Variants in XYLT1 observed in about 807,000 individuals in gnomAD.
XYLT1 encodes xylosyltransferase 1.
Under a neutral mutation model 91.3 loss-of-function variants are expected in XYLT1, and 36 were observed. The observed-to-expected ratio is 0.39, with a 90% confidence interval of 0.30 to 0.52. The LOEUF (loss-of-function observed/expected upper bound fraction) is 0.52, where lower values mean the gene tolerates loss of function less well. Among genes scored for constraint, XYLT1 ranks in the 20% least tolerant of loss-of-function variants. The pLI, the probability that XYLT1 is intolerant of heterozygous loss-of-function variation, is 0.68. For synonymous variants in XYLT1, 588 were observed against 532.0 expected (o/e 1.11, Z -1.45); for missense variants, 1,242 against 1,284.5 (o/e 0.97, Z 0.51).
At chr16:17,392,948 A>T (rs2141893875) in intron 1 of XYLT1, among the ~76,000 whole-genome samples, 1 of 152,316 alleles carries the variant, frequency 6.6e-6, no homozygotes, top group South Asian at 2.1e-4. Context: ...TTCAAATGCA[A>T]GATGTGGGTT....
intron 1 of XYLT1, among the ~76,000 whole-genome samples, chr16:17,423,840 C>T (rs909362740): frequency 2.0e-5 from 3 of 151,982 alleles, no homozygotes; most frequent in Admixed American, 6.6e-5. Flanking sequence ...GGTCTCGATC[C>T]CTTGACCTGG....
intron 1 of XYLT1, among the ~76,000 whole-genome samples, chr16:17,456,382 G>GGCTGGAGT (rs2141955306): frequency 7.0e-6 from 1 of 142,720 alleles, no homozygotes; most frequent in South Asian, 2.2e-4. Context: ...CGGTCACCCA[G>GGCTGGAGT]GCTGGAGTGC....
At chr16:17,330,239 A>G (rs554524447) in intron 2 of XYLT1, among the ~76,000 whole-genome samples, 72 of 152,336 alleles carry the variant, frequency 4.7e-4, no homozygotes, top group Middle Eastern at 3.4e-3. Context: ...TCGTGCGTAT[A>G]AACAAATAAG....
intron 10 of XYLT1, among the ~76,000 whole-genome samples, chr16:17,119,645 G>A (rs1179536424): frequency 6.6e-6 from 1 of 152,192 alleles, no homozygotes; most frequent in African/African-American, 2.4e-5. Context: ...CCAGGCAGAC[G>A]TGTCCATTCA....
rs58692213 is a variant in XYLT1, at chr16:17,240,187, G to T, written c.913+18801C>A. 7.0e-3 allele frequency among the ~76,000 whole-genome samples: 1,065 copies of T among 152,338 alleles called. 8 individuals are homozygous for T. Among genetic ancestry groups the T allele is most frequent in the African/African-American group, 0.024 (983 of 41,578 alleles). On this transcript the variant is annotated intron_variant, in intron 3 of 11. Coordinates refer to ENST00000261381, the MANE Select transcript of XYLT1 (RefSeq NM_022166.4). ...TGCTGGGAGAGGCATGAGAACAGGG[G>T]TATGGACAGGAAGACTAGCATGTGG... is the stretch of plus-strand genomic sequence containing the variant.
intron 5 of XYLT1, among the ~76,000 whole-genome samples, chr16:17,160,600 G>A (rs994145106): frequency 2.0e-5 from 3 of 152,228 alleles, no homozygotes; most frequent in Admixed American, 2.0e-4. Context: ...CCGTGTGTCT[G>A]CAGGGAGTTG....
chr16:17,178,266 G>C (rs2031987940), intron 5 of XYLT1, among the ~76,000 whole-genome samples: 2 of 152,230 alleles, frequency 1.3e-5, no homozygotes, highest in Middle Eastern at 3.4e-3. Flanking sequence ...AAGTAGGTTA[G>C]GGGAACATAA....
At chr16:17,230,419 C>G (rs931320552) in intron 3 of XYLT1, among the ~76,000 whole-genome samples, 23 of 152,154 alleles carry the variant, frequency 1.5e-4, no homozygotes, top group African/African-American at 5.3e-4. Flanking sequence ...TCCGATGTCC[C>G]CATTTTAACA....
chr16:17,468,150 A>G (rs2036924723), intron 1 of XYLT1, among the ~76,000 whole-genome samples: 1 of 152,120 alleles, frequency 6.6e-6, no homozygotes. Context: ...CTGGAGCTCC[A>G]TGGAAGGGCA....
At chr16:17,416,657 C>T (rs533781139) in intron 1 of XYLT1, among the ~76,000 whole-genome samples, 2 of 152,024 alleles carry the variant, frequency 1.3e-5, no homozygotes, top group African/African-American at 2.4e-5. Flanking sequence ...ACAGCCTTTA[C>T]CCTCCCCAGC....
At chr16:17,192,607 G>A (rs7206558) in intron 5 of XYLT1, among the ~76,000 whole-genome samples, 81,828 of 151,918 alleles carry the variant, frequency 0.54, 23,962 homozygotes, top group African/African-American at 0.76. Context: ...TTTCATCCAC[G>A]TGCTGGGTAC....
At chr16:17,122,029 T>C (rs1032868507) in intron 10 of XYLT1, among the ~76,000 whole-genome samples, 37 of 151,990 alleles carry the variant, frequency 2.4e-4, no homozygotes, top group Non-Finnish European at 3.2e-4. Flanking sequence ...GCTGCTTCCA[T>C]TTTTTTTGCA....
At chr16:17,178,456 A>G (rs960510543) in intron 5 of XYLT1, among the ~76,000 whole-genome samples, 4 of 152,156 alleles carry the variant, frequency 2.6e-5, no homozygotes, top group African/African-American at 9.7e-5. Flanking sequence ...ACCTGGGTTG[A>G]CAGAATCATC....
chr16:17,382,041 A>T (rs941093237), intron 1 of XYLT1, among the ~76,000 whole-genome samples: 1 of 151,848 alleles, frequency 6.6e-6, no homozygotes, highest in Non-Finnish European at 1.5e-5. Flanking sequence ...GGCAGGGATG[A>T]TTCCAGAGTC....
intron 3 of XYLT1, among the ~76,000 whole-genome samples, chr16:17,219,923 T>C (rs1052442483): frequency 1.3e-5 from 2 of 152,058 alleles, no homozygotes. Flanking sequence ...CCCAGCTACT[T>C]GGGAGGCTGA....
chr16:17,133,295 C>T (rs887279195), intron 9 of XYLT1, among the ~76,000 whole-genome samples: 4 of 149,180 alleles, frequency 2.7e-5, no homozygotes, highest in Non-Finnish European at 4.4e-5. Flanking sequence ...CAGAGACTGA[C>T]GCTAAAAAAA....
chr16:17,200,740 T>A, intron 3 of XYLT1, 86 bp from the exon 4 acceptor site: 1 of 1,485,208 alleles, frequency 6.7e-7, no homozygotes, highest in South Asian at 1.2e-5. Context: ...GTGCTTCTTT[T>A]GGGGACTATT....
At chr16:17,273,504 G>T (rs1345757406) in intron 2 of XYLT1, among the ~76,000 whole-genome samples, 1 of 152,178 alleles carries the variant, frequency 6.6e-6, no homozygotes, top group Non-Finnish European at 1.5e-5. Context: ...AGGAATCAGG[G>T]TCTGCACATT....
chr16:17,165,287 C>T (rs989439616), intron 5 of XYLT1, among the ~76,000 whole-genome samples: 5 of 152,144 alleles, frequency 3.3e-5, no homozygotes, highest in African/African-American at 1.2e-4. Flanking sequence ...TAAACGGGAA[C>T]ATGTATATAC....
Sources: allele counts gnomAD v4.1 joint callset (sites outside exome capture counted in the v4.1 genomes callset), GRCh38; gene constraint gnomAD v4.1.1; transcripts MANE v1.5; gene names NCBI Gene and HGNC (gene_info 2026-07-23, HGNC 2026-07-21).